ZNF16: variants seen among roughly 807,000 people sequenced by gnomAD.
ZNF16 encodes the protein zinc finger protein KOX9.
Under a neutral mutation model 9.0 loss-of-function variants are expected in ZNF16, and 7 were observed. The observed-to-expected ratio is 0.78, with a 90% CI of 0.44 to 1.47. The LOEUF (loss-of-function observed/expected upper bound fraction) is 1.47, where lower values mean the gene tolerates loss of function less well. Among genes scored for constraint, ZNF16 ranks in the 40% most tolerant of loss-of-function variants. ZNF16 has a pLI of 0.01. For missense variants in ZNF16, 830 were observed against 854.2 expected (o/e 0.97, Z 0.35); for synonymous variants, 312 against 301.5 (o/e 1.03, Z -0.36).
At chr8:144,944,112 C>T (rs1459993501) in intron 2 of ZNF16, 1 of 150,752 alleles carries the variant, frequency 6.6e-6, no homozygotes, top group Admixed American at 6.6e-5. Context: ...ACTCTGTCAC[C>T]CACGCTGGAG....
Position 144,930,428 on chromosome 8 carries a change from T to C in ZNF16, c.*310A>G. On this transcript the variant is annotated 3_prime_UTR_variant, in exon 3 of 3. Coordinates refer to ENST00000394909, the MANE Select transcript of ZNF16 (RefSeq NM_006958.3). ...CTTTACTTTTTTGGTAACTTTTCAT[T>C]ATAATAATAAACTCTATTCATGAAT... is the stretch of plus-strand genomic sequence containing the variant. The C allele has an allele frequency of 3.4e-6, 1 of 293,144 alleles. No individual in the cohort carries two copies. Among genetic ancestry groups the C allele is most frequent in the South Asian group, 1.3e-4 (1 of 7,594 alleles). 18.2% of individuals were successfully genotyped at this position (293,144 alleles called of 1,614,324 possible).
chr8:144,931,519 T>A lies in ZNF16; in HGVS notation c.1268A>T (p.His423Leu). 1 of 1,614,080 alleles carries A rather than the reference T, an allele frequency of 6.2e-7. No homozygotes were observed. The highest frequency in any genetic ancestry group is 1.1e-5 in the South Asian group (1 of 91,084). Residue 423 changes from histidine (H) to leucine (L), a missense_variant, in exon 3 of 3, where the codon CAC becomes CTC. Physicochemically the swap from His to Leu is moderately conservative, Grantham distance 99. Transcript: ENST00000394909. ...CTTCTCTCCAGTGTGAACCCTGTGG[T>A]GCTTAATGAGGTTGGAGACCCGACT... ...PFSRVSNLIK[H>L]HRVHTGEKPY...
chr8:144,942,432 T>A (rs550733424), intron 2 of ZNF16, among the ~76,000 whole-genome samples: 1 of 151,772 alleles, frequency 6.6e-6, no homozygotes, highest in Non-Finnish European at 1.5e-5. Context: ...GGATTACAGG[T>A]GCCCACCACC....
At chr8:144,949,447 T>C (rs987391338) in intron 1 of ZNF16, among the ~76,000 whole-genome samples, 4 of 152,136 alleles carry the variant, frequency 2.6e-5, no homozygotes, top group Admixed American at 1.3e-4. Flanking sequence ...TGCTGCCCCA[T>C]GTAGGGAAAA....
At chr8:144,949,561 A>C (rs1055379449) in intron 1 of ZNF16, among the ~76,000 whole-genome samples, 1 of 152,216 alleles carries the variant, frequency 6.6e-6, no homozygotes, top group Non-Finnish European at 1.5e-5. Context: ...GATGCTGTTA[A>C]TTTGTAACTT....
At position 144,931,155 on chromosome 8, in the gene ZNF16, G is replaced by C; in HGVS notation, c.1632C>G (p.Pro544=). 1 of 1,614,166 alleles carries C rather than the reference G, an allele frequency of 6.2e-7. No individual in the cohort carries two copies. The highest frequency in any genetic ancestry group is 8.5e-7 in the Non-Finnish European group (1 of 1,180,024). The part of the protein sequence containing the change: ...LHQRVHTGEK[P]YECTECGKTF... Reference sequence around the variant, plus strand: ...TTTTTCCACATTCAGTACATTCATAGGGCTTCTCTCCAGTGTGGACTCGCT... The same window carrying C: ...TTTTTCCACATTCAGTACATTCATACGGCTTCTCTCCAGTGTGGACTCGCT... The change falls in exon 3 of 3, where the codon CCC becomes CCG. Residue 544 remains proline, a synonymous_variant. Transcript: ENST00000394909.
intron 1 of ZNF16, among the ~76,000 whole-genome samples, chr8:144,947,283 GGGGCCTGTACCCTGCTGC>G (rs1175323143): frequency 3.7e-4 from 1 of 2,684 alleles, no homozygotes; most frequent in Admixed American, 4.5e-3. Flanking sequence ...ACCCTGCTGT[GGGGCCTGTACCCTGCTGC>G]GGGCCTGTAC....
rs1563925595 is a variant in ZNF16 at position 144,946,574 on chromosome 8, C to CCTGTGTCCTGCTGTGGGG, written c.-9-360_-9-359insCCCCACAGCAGGACACAG. Among the ~76,000 whole-genome samples, 394 of 139,680 alleles carry CCTGTGTCCTGCTGTGGGG rather than the reference C, an allele frequency of 2.8e-3. 26 individuals are homozygous for CCTGTGTCCTGCTGTGGGG. Among genetic ancestry groups the CCTGTGTCCTGCTGTGGGG allele is most frequent in the South Asian group, 0.017 (73 of 4,344 alleles). 91.6% of individuals were successfully genotyped at this position (139,680 alleles called of 152,430 possible). On this transcript the variant is annotated intron_variant, in intron 1 of 2. Transcript: ENST00000394909. ...TGTGGGGCCTGTACCCTGCTGTGGG[C>CCTGTGTCCTGCTGTGGGG]CTGTGTCCTGCTGTGGGTCTGTATC...
chr8:144,942,200 A>T (rs11990389), intron 2 of ZNF16, among the ~76,000 whole-genome samples: 1 of 150,086 alleles, frequency 6.7e-6, no homozygotes. Context: ...GGATGGTCTC[A>T]ATCTCCTGAC....
intron 2 of ZNF16, among the ~76,000 whole-genome samples, chr8:144,935,210 T>A (rs1833653984): frequency 1.5e-5 from 1 of 68,082 alleles, no homozygotes; most frequent in South Asian, 1.0e-3. Context: ...TAAGAAAAAT[T>A]TTTTTTTTGG....
At position 144,942,000 on chromosome 8, in the gene ZNF16, G is replaced by C. The variant is rs559514828; in HGVS notation, c.196+4011C>G. Among the ~76,000 whole-genome samples the C allele has an allele frequency of 7.6e-5, 10 of 131,714 alleles. No individual in the cohort carries two copies. In the South Asian group the frequency reaches 1.4e-3, roughly 19 times the overall value. 86.4% of individuals were successfully genotyped at this position (131,714 alleles called of 152,430 possible). On this transcript the variant is annotated intron_variant, in intron 2 of 2. Coordinates refer to ENST00000394909, the MANE Select transcript of ZNF16 (RefSeq NM_006958.3). Reference sequence around the variant, plus strand: ...GATTTTTTTTTTTTTTTTTTTGAGAGGGAGTCTCGCTCTGTCTCCCAGGCT... The same window carrying C: ...GATTTTTTTTTTTTTTTTTTTGAGACGGAGTCTCGCTCTGTCTCCCAGGCT...
intron 1 of ZNF16, among the ~76,000 whole-genome samples, chr8:144,949,111 T>A (rs1834028766): frequency 6.6e-6 from 1 of 152,228 alleles, no homozygotes; most frequent in Non-Finnish European, 1.5e-5. Flanking sequence ...GGCTAGAGGC[T>A]AAGCCTGCTC....
chr8:144,946,770 T>C (rs113818401), intron 1 of ZNF16, among the ~76,000 whole-genome samples: 6 of 80,202 alleles, frequency 7.5e-5, no homozygotes, highest in African/African-American at 2.6e-4. Context: ...TACCCTGCTG[T>C]GGGCCTGTGT....
Position 144,930,852 on chromosome 8 carries a change from G to T in ZNF16, c.1935C>A (p.Ile645=). 1 of 1,601,978 alleles carries T rather than the reference G, an allele frequency of 6.2e-7. No individual in the cohort carries two copies. Among genetic ancestry groups the T allele is most frequent in the Non-Finnish European group, 8.5e-7 (1 of 1,173,500 alleles). Reference sequence around the variant, plus strand: ...CCCCAGTGTGAATCCTCTGGTGCTGGATGAGGACCGAACGCTGACTGAAGG... The same window carrying T: ...CCCCAGTGTGAATCCTCTGGTGCTGTATGAGGACCGAACGCTGACTGAAGG... ...GKAFSQRSVL[I]QHQRIHTGVK... The change falls in exon 3 of 3, where the codon ATC becomes ATA. Residue 645 remains isoleucine (I), a synonymous_variant. Coordinates refer to ENST00000394909, the MANE Select transcript of ZNF16 (RefSeq NM_006958.3).
chr8:144,947,063 T>TG lies in ZNF16; in HGVS notation c.-9-849dup, dbSNP rs1359064033. The stretch of plus-strand genomic sequence containing the variant: ...CTGCTGTTGGGCCTGTGTCCTGCTG[T>TG]GGGCCTGTACCCTACTGTGGGCCAT... On this transcript the variant is annotated intron_variant, in intron 1 of 2. Coordinates refer to ENST00000394909, the MANE Select transcript of ZNF16 (RefSeq NM_006958.3). Among the ~76,000 whole-genome samples the TG allele has an allele frequency of 6.9e-5, 9 of 130,024 alleles. 1 individual carries two copies. Among genetic ancestry groups the TG allele is most frequent in the African/African-American group, 2.3e-4 (7 of 30,504 alleles). 85.3% of individuals were successfully genotyped at this position (130,024 alleles called of 152,430 possible).
chr8:144,936,015 T>TC (rs1212466891), intron 2 of ZNF16, among the ~76,000 whole-genome samples: 1 of 152,214 alleles, frequency 6.6e-6, no homozygotes, highest in Non-Finnish European at 1.5e-5. Context: ...AACCACCACC[T>TC]CTATTTTCAA....
intron 1 of ZNF16, among the ~76,000 whole-genome samples, chr8:144,946,580 T>TAC (rs1563925610): frequency 3.9e-5 from 5 of 128,636 alleles, no homozygotes; most frequent in African/African-American, 1.0e-4. Flanking sequence ...TGGGCCTGTG[T>TAC]CCTGCTGTGG....
chr8:144,935,328 G>A (rs1483870388), intron 2 of ZNF16, among the ~76,000 whole-genome samples: 3 of 151,844 alleles, frequency 2.0e-5, no homozygotes, highest in Non-Finnish European at 2.9e-5. Flanking sequence ...TCAGCCTCCC[G>A]AGTAGCTGGG....
At chr8:144,935,208 A>T (rs1396665997) in intron 2 of ZNF16, among the ~76,000 whole-genome samples, 3 of 150,804 alleles carry the variant, frequency 2.0e-5, no homozygotes, top group East Asian at 1.9e-4. Context: ...TTTAAGAAAA[A>T]TTTTTTTTTT....
Sources: gnomAD v4.1 joint callset for allele counts (sites outside exome capture counted in the v4.1 genomes callset) on GRCh38, gnomAD v4.1.1 for gene constraint, MANE v1.5 for transcripts, NCBI Gene and HGNC (gene_info 2026-07-23, HGNC 2026-07-21) for gene names.